Variants in CHAT observed in about 807,000 individuals in gnomAD.
CHAT encodes the protein acetyl CoA:choline O-acetyltransferase.
A neutral mutation model predicts 76.9 loss-of-function variants in CHAT; 61 were observed. That is an observed-to-expected ratio of 0.79 (90% confidence interval 0.65 to 0.98). The LOEUF (loss-of-function observed/expected upper bound fraction) is 0.98. Ranked by LOEUF, CHAT falls within the 50% of genes least tolerant of loss-of-function variation. The pLI, the probability that CHAT is intolerant of heterozygous loss-of-function variation, is 0.00. For missense variants in CHAT, 946 were observed against 986.9 expected (o/e 0.96, Z 0.56); for synonymous variants, 407 against 397.4 (o/e 1.02, Z -0.29).
intron 2 of CHAT, among the ~76,000 whole-genome samples, chr10:49,618,185 C>G (rs1041912265): frequency 1.3e-5 from 2 of 152,194 alleles, no homozygotes; most frequent in African/African-American, 2.4e-5. Flanking sequence ...TTTTATCCTT[C>G]CAAATCTCTC....
At chr10:49,619,678 G>A (rs1311592512) in intron 2 of CHAT, 47 bp from the exon 3 acceptor site, 1 of 1,575,114 alleles carries the variant, frequency 6.3e-7, no homozygotes, top group South Asian at 1.1e-5. Context: ...GGACAGGCAT[G>A]GGGCGCACAT....
intron 7 of CHAT, among the ~76,000 whole-genome samples, chr10:49,631,638 G>C (rs1312790521): frequency 6.6e-6 from 1 of 152,184 alleles, no homozygotes; most frequent in African/African-American, 2.4e-5. Context: ...TGTTCAGTGG[G>C]TATCAGAGGA....
intron 6 of CHAT, among the ~76,000 whole-genome samples, chr10:49,627,149 G>A (rs1321117986): frequency 6.6e-6 from 1 of 152,200 alleles, no homozygotes; most frequent in African/African-American, 2.4e-5. Flanking sequence ...TGAGGCTCTT[G>A]CTACCATTTT....
chr10:49,612,382 A>AG, upstream of CHAT: 2 of 1,539,800 alleles, frequency 1.3e-6, no homozygotes, highest in Non-Finnish European at 1.8e-6. Flanking sequence ...CCTTGGGTCA[A>AG]GGGGGCTGCT....
At chr10:49,655,652 T>C (rs1188189028) in intron 13 of CHAT, among the ~76,000 whole-genome samples, 1 of 152,244 alleles carries the variant, frequency 6.6e-6, no homozygotes, top group African/African-American at 2.4e-5. Flanking sequence ...ACATGGATTT[T>C]ATAAGAATAC....
intron 2 of CHAT, among the ~76,000 whole-genome samples, chr10:49,618,902 T>A (rs901274996): frequency 1.3e-5 from 2 of 152,196 alleles, no homozygotes; most frequent in African/African-American, 4.8e-5. Flanking sequence ...CTCTCTGTGT[T>A]CCTCTCAGGT....
At chr10:49,646,387 A>G in intron 7 of CHAT, 118 bp from the exon 8 acceptor site, 1 of 1,322,790 alleles carries the variant, frequency 7.6e-7, no homozygotes, top group Non-Finnish European at 1.1e-6. Flanking sequence ...CTGGCTCAAG[A>G]CCTGGGTCTT....
intron 7 of CHAT, among the ~76,000 whole-genome samples, chr10:49,639,126 T>G (rs1401077298): frequency 6.6e-6 from 1 of 152,024 alleles, no homozygotes; most frequent in African/African-American, 2.4e-5. Flanking sequence ...TCCCAGCCAC[T>G]CAGGAGGCTG....
chr10:49,649,694 T>C, intron 10 of CHAT, 58 bp downstream of exon 10: 1 of 1,598,846 alleles, frequency 6.3e-7, no homozygotes, highest in South Asian at 1.1e-5. Context: ...CGCCCTTGCC[T>C]ACTAGCTCCC....
chr10:49,615,974 A>G, intron 1 of CHAT: 1 of 1,516,840 alleles, frequency 6.6e-7, no homozygotes. Context: ...CAGGGCCTTA[A>G]AGGCCTCCAT....
intron 1 of CHAT, 45 bp from the exon 2 acceptor site, chr10:49,616,457 C>A (rs1264577017): frequency 7.7e-6 from 11 of 1,437,728 alleles, no homozygotes; most frequent in Non-Finnish European, 1.1e-5. Flanking sequence ...TTGTGACAGG[C>A]CTATGTGGCT....
rs115313785 is a variant in CHAT at position 49,632,711 on chromosome 10, C to T, written c.1111+4926C>T. Among the ~76,000 whole-genome samples the T allele has an allele frequency of 1.8e-3, 273 of 152,318 alleles. 1 individual carries two copies. Among genetic ancestry groups the T allele is most frequent in the African/African-American group, 6.4e-3 (268 of 41,570 alleles). ...CCCCGACCCTCCATTTTATCAACCTCTCTCCTTCAAGACACTGCCCTTGAG... is the reference window on the plus strand; with the variant it reads ...CCCCGACCCTCCATTTTATCAACCTTTCTCCTTCAAGACACTGCCCTTGAG... On this transcript the variant is annotated intron_variant, in intron 7 of 14. Transcript: ENST00000337653.
At chr10:49,616,695 A>G in intron 2 of CHAT, 93 bp downstream of exon 2, 1 of 910,354 alleles carries the variant, frequency 1.1e-6, no homozygotes. Flanking sequence ...GGCCCCCAGC[A>G]TTTGCCTGGC....
At chr10:49,644,103 A>T (rs4838540) in intron 7 of CHAT, among the ~76,000 whole-genome samples, 147,356 of 152,306 alleles carry the variant, frequency 0.97, 71,512 homozygotes, top group Middle Eastern at 1. Context: ...CCACGTGCTC[A>T]GGGTGTTAGG....
Position 49,625,662 on chromosome 10 carries a change from C to A in CHAT, c.933+9C>A, listed in dbSNP as rs985746770. 2.6e-6 allele frequency: 4 copies of A among 1,560,296 alleles called. No homozygotes were observed. In the East Asian group the frequency reaches 7.2e-5, roughly 28 times the overall value. ...TAGCCTGCTGCAATCAGGTAAGCAA[C>A]CCCTTGTCTTGGTGAGGGAGGGCAC... On this transcript the variant is annotated intron_variant, in intron 6 of 14. Transcript: ENST00000337653.
chr10:49,614,150 GC>G lies in CHAT; in HGVS notation c.-38del. ...GAAGCGCTCCGGGTAGATTCTGGGGGCCGGGAGCTGAGATCCCTGGGCGGGG... is the reference window on the plus strand; with the variant it reads ...GAAGCGCTCCGGGTAGATTCTGGGGGCGGGAGCTGAGATCCCTGGGCGGGG... On this transcript the variant is annotated 5_prime_UTR_variant, in exon 1 of 15. Coordinates refer to ENST00000337653, the MANE Select transcript of CHAT (RefSeq NM_020549.5). 2.6e-6 allele frequency: 4 copies of G among 1,546,112 alleles called. No homozygotes were observed. The highest frequency in any genetic ancestry group is 3.5e-6 in the Non-Finnish European group (4 of 1,146,448).
In CHAT at chr10:49,620,569, G is replaced by C; in HGVS notation, c.654G>C (p.Val218=). 1 of 1,613,856 alleles carries C rather than the reference G, an allele frequency of 6.2e-7. No individual in the cohort carries two copies. The highest frequency in any genetic ancestry group is 8.5e-7 in the Non-Finnish European group (1 of 1,179,826). The change falls in exon 4 of 15, where the codon GTG becomes GTC. Residue 218 remains valine (V), a synonymous_variant. Transcript: ENST00000337653. ...LALPVNSSPA[V]IFARQHFPGT... is the part of the protein sequence containing the mutation. ...TGCCTGTCAACTCCAGCCCTGCCGT[G>C]ATCTTTGCTCGGCAGCACTTCCCTG...
intron 7 of CHAT, among the ~76,000 whole-genome samples, chr10:49,643,903 A>G (rs890952179): frequency 2.6e-5 from 4 of 152,354 alleles, no homozygotes; most frequent in African/African-American, 9.6e-5. Flanking sequence ...GGAGGGGACC[A>G]GACCAGGGGT....
chr10:49,639,786 T>C (rs1839419459), intron 7 of CHAT, among the ~76,000 whole-genome samples: 1 of 152,196 alleles, frequency 6.6e-6, no homozygotes, highest in African/African-American at 2.4e-5. Flanking sequence ...GCGTTAGCCA[T>C]TATTTATCTG....
Sources: allele counts gnomAD v4.1 joint callset (sites outside exome capture counted in the v4.1 genomes callset), GRCh38; gene constraint gnomAD v4.1.1; transcripts MANE v1.5; gene names NCBI Gene and HGNC (gene_info 2026-07-23, HGNC 2026-07-21).